The following NAALADL2 variants were observed in gnomAD, a reference collection of about 807,000 sequenced individuals.
NAALADL2 encodes the protein N-acetylated alpha-linked acidic dipeptidase like 2.
A neutral mutation model predicts 87.2 loss-of-function variants in NAALADL2; 76 were observed. The observed-to-expected ratio is 0.87, with a 90% CI of 0.72 to 1.05. NAALADL2 has a LOEUF of 1.05. Among genes scored for constraint, NAALADL2 ranks in the 50% least tolerant of loss-of-function variants. NAALADL2 has a pLI of 0.00. For missense variants in NAALADL2, 1,089 were observed against 945.8 expected, an observed-to-expected ratio of 1.15 and a Z score of -1.99; for synonymous variants, 354 against 331.0, an observed-to-expected ratio of 1.07 and a Z score of -0.75.
At chr3:175,422,025 A>C (rs553715605) in intron 5 of NAALADL2, among the ~76,000 whole-genome samples, 1 of 152,128 alleles carries the variant, frequency 6.6e-6, no homozygotes, top group Non-Finnish European at 1.5e-5. Context: ...AGGCCAGAGC[A>C]GGAAGGACAC....
intron 9 of NAALADL2, among the ~76,000 whole-genome samples, chr3:175,565,589 A>G (rs764299112): frequency 6.6e-6 from 1 of 151,272 alleles, no homozygotes; most frequent in South Asian, 2.1e-4. Flanking sequence ...GCTGTTGTCC[A>G]TTCCCAAAAC....
chr3:174,882,481 A>G, intron 1 of NAALADL2, among the ~76,000 whole-genome samples: 1 of 151,348 alleles, frequency 6.6e-6, no homozygotes, highest in South Asian at 2.1e-4. Context: ...GTGTATGCAT[A>G]CATATGTGCA....
intron 2 of NAALADL2, among the ~76,000 whole-genome samples, chr3:175,119,533 A>G (rs1725794557): frequency 6.6e-6 from 1 of 151,060 alleles, no homozygotes; most frequent in African/African-American, 2.4e-5. Context: ...ACAGAGAGGG[A>G]GAGAGAGAGT....
chr3:175,008,472 G>A (rs1749336363), intron 1 of NAALADL2, among the ~76,000 whole-genome samples: 1 of 152,136 alleles, frequency 6.6e-6, no homozygotes, highest in East Asian at 1.9e-4. Flanking sequence ...TAAAACTGTG[G>A]GAAAGGAAAC....
intron 3 of NAALADL2, among the ~76,000 whole-genome samples, chr3:174,783,217 A>G (rs1716204395): frequency 6.6e-6 from 1 of 152,188 alleles, no homozygotes; most frequent in South Asian, 2.1e-4. Flanking sequence ...AATGGAAAAT[A>G]TAGTTTGTGT....
intron 2 of NAALADL2, among the ~76,000 whole-genome samples, chr3:174,610,146 T>C (rs576463984): frequency 9.0e-4 from 134 of 148,628 alleles, no homozygotes; most frequent in Non-Finnish European, 1.7e-3. Context: ...TTCCTTACAC[T>C]TTATACAAAA....
chr3:175,295,823 CTT>C lies in NAALADL2; in HGVS notation c.940-28349_940-28348del, dbSNP rs1756287735. Among the ~76,000 whole-genome samples, 4 of 152,012 alleles carry C rather than the reference CTT, an allele frequency of 2.6e-5. No individual in the cohort carries two copies. In the South Asian group the frequency reaches 8.3e-4, roughly 32 times the overall value. Reference sequence around the variant, plus strand: ...AAGCCCTAAAACAATCATACAATGACTTTTATAATCTGACTCTGACCTGTCCA... The same window carrying C: ...AAGCCCTAAAACAATCATACAATGACTTATAATCTGACTCTGACCTGTCCA... On this transcript the variant is annotated intron_variant, in intron 4 of 13. Coordinates refer to ENST00000454872, the MANE Select transcript of NAALADL2 (RefSeq NM_207015.3).
At chr3:174,444,271 T>C (rs1233321658) in intron 1 of NAALADL2, among the ~76,000 whole-genome samples, 1 of 152,070 alleles carries the variant, frequency 6.6e-6, no homozygotes, top group Non-Finnish European at 1.5e-5. Flanking sequence ...AGGAAAAGTG[T>C]GGGGGCACAG....
intron 3 of NAALADL2, among the ~76,000 whole-genome samples, chr3:174,851,182 T>C (rs1320598631): frequency 6.6e-6 from 1 of 152,040 alleles, no homozygotes; most frequent in South Asian, 2.1e-4. Context: ...AACAACCTAA[T>C]GATTCATCTT....
At chr3:174,921,804 CAAAA>C (rs546555666) in intron 1 of NAALADL2, among the ~76,000 whole-genome samples, 2 of 42,428 alleles carry the variant, frequency 4.7e-5, no homozygotes, top group Non-Finnish European at 8.8e-5. Flanking sequence ...GACTCCGTCT[CAAAA>C]AAAAAAAAAA....
intron 13 of NAALADL2, among the ~76,000 whole-genome samples, chr3:175,770,722 C>T (rs1005113944): frequency 2.0e-5 from 3 of 152,094 alleles, no homozygotes; most frequent in Non-Finnish European, 4.4e-5. Context: ...TATGCTACAC[C>T]AGGGAGTTTG....
chr3:175,726,977 A>C (rs987129772), intron 11 of NAALADL2, among the ~76,000 whole-genome samples: 1 of 152,116 alleles, frequency 6.6e-6, no homozygotes, highest in African/African-American at 2.4e-5. Flanking sequence ...ACTTGCAAAA[A>C]ACTATACTGT....
chr3:175,501,578 G>A (rs989031044), intron 9 of NAALADL2, among the ~76,000 whole-genome samples: 1 of 152,068 alleles, frequency 6.6e-6, no homozygotes, highest in African/African-American at 2.4e-5. Flanking sequence ...GTACAAGACA[G>A]ATAACAAACA....
At chr3:174,907,519 T>C (rs1302727971) in intron 1 of NAALADL2, among the ~76,000 whole-genome samples, 1 of 152,114 alleles carries the variant, frequency 6.6e-6, no homozygotes, top group African/African-American at 2.4e-5. Flanking sequence ...AAATTTCTCA[T>C]GGCTCTGTAT....
At chr3:174,797,952 A>T (rs541419690) in intron 3 of NAALADL2, among the ~76,000 whole-genome samples, 2 of 152,206 alleles carry the variant, frequency 1.3e-5, no homozygotes, top group African/African-American at 4.8e-5. Context: ...TTGAAGATTT[A>T]CTTCTATGTA....
At chr3:175,747,273 T>G (rs949010875) in intron 12 of NAALADL2, among the ~76,000 whole-genome samples, 8 of 152,250 alleles carry the variant, frequency 5.3e-5, no homozygotes, top group African/African-American at 1.9e-4. Flanking sequence ...CTTCCCATTG[T>G]GATCATCATT....
intron 1 of NAALADL2, among the ~76,000 whole-genome samples, chr3:174,884,203 T>G (rs1205847509): frequency 1.3e-5 from 2 of 152,130 alleles, no homozygotes; most frequent in Non-Finnish European, 2.9e-5. Flanking sequence ...GGGGTAATGA[T>G]GAGTGGTGCC....
At chr3:175,388,907 C>A (rs1302333531) in intron 5 of NAALADL2, among the ~76,000 whole-genome samples, 3 of 151,988 alleles carry the variant, frequency 2.0e-5, no homozygotes, top group Non-Finnish European at 4.4e-5. Context: ...ATACTGTATT[C>A]TAAATACTGT....
At chr3:175,458,410 T>C (rs1482316117) in intron 6 of NAALADL2, among the ~76,000 whole-genome samples, 1 of 150,660 alleles carries the variant, frequency 6.6e-6, no homozygotes, top group Non-Finnish European at 1.5e-5. Flanking sequence ...GTTTTGTATA[T>C]ATGTATGTTC....
Sources: gnomAD v4.1 joint callset for allele counts (sites outside exome capture counted in the v4.1 genomes callset) on GRCh38, gnomAD v4.1.1 for gene constraint, MANE v1.5 for transcripts, NCBI Gene and HGNC (gene_info 2026-07-23, HGNC 2026-07-21) for gene names.